CLIP1: variants seen among roughly 807,000 people sequenced by gnomAD.
The protein encoded by CLIP1 is CAP-Gly domain containing linker protein 1, also known as CAP-Gly domain-containing linker protein 1.
A neutral mutation model predicts 161.6 loss-of-function variants in CLIP1; 66 were observed. The observed-to-expected ratio is 0.41, with a 90% CI of 0.33 to 0.50. CLIP1 has a LOEUF of 0.50. CLIP1 is among the 20% of genes least tolerant of loss of function. The pLI is 0.27. For missense variants in CLIP1, 1,376 were observed against 1,702.0 expected, an observed-to-expected ratio of 0.81 and a Z score of 3.37; for synonymous variants, 598 against 626.2, an observed-to-expected ratio of 0.96 and a Z score of 0.67.
At chr12:122,338,861 G>T (rs882969) in intron 11 of CLIP1, among the ~76,000 whole-genome samples, 3 of 152,076 alleles carry the variant, frequency 2.0e-5, no homozygotes, top group Admixed American at 2.0e-4. Context: ...TTAGTATTTC[G>T]GAACCACATG....
At chr12:122,290,004 G>A (rs890061080) in intron 20 of CLIP1, among the ~76,000 whole-genome samples, 5 of 151,856 alleles carry the variant, frequency 3.3e-5, no homozygotes, top group Non-Finnish European at 5.9e-5. Context: ...ACAGGGTTTC[G>A]CCATGTTGGC....
At chr12:122,422,888 T>C (rs1957008266), upstream of CLIP1, among the ~76,000 whole-genome samples, 1 of 151,806 alleles carries the variant, frequency 6.6e-6, no homozygotes, top group South Asian at 2.1e-4. Flanking sequence ...GAGCCCCGGC[T>C]TGGGGAGCAA....
chr12:122,332,990 T>A lies in CLIP1; in HGVS notation c.2864A>T (p.Glu955Val). The A allele has an allele frequency of 3.1e-6, 5 of 1,613,226 alleles. No individual in the cohort carries two copies. The highest frequency in any genetic ancestry group is 4.2e-6 in the Non-Finnish European group (5 of 1,179,660). ...TKMNDELRLKERDVEELQLKL... is the reference protein window; with the variant it reads ...TKMNDELRLKVRDVEELQLKL... ...TCTTTTCAACAGTCACATATACCTT[T>A]CTTTCAGACGTAATTCATCGTTCAT... is the stretch of plus-strand genomic sequence containing the variant. The change falls in exon 15 of 26, where the codon GAA (glutamate) becomes GTA (valine). Residue 955 changes from glutamate to valine, a missense_variant. Physicochemically the swap from Glu to Val is moderately radical, Grantham distance 121 (BLOSUM62 -2). Around this residue, in one of 6 missense-constraint regions of CLIP1, gnomAD observed 948 missense variants for 1,134.8 expected, o/e 0.84. Coordinates refer to ENST00000620786, the MANE Select transcript of CLIP1 (RefSeq NM_001247997.2).
At chr12:122,274,214 G>C in intron 24 of CLIP1, 52 bp from the exon 25 acceptor site, 1 of 1,497,626 alleles carries the variant, frequency 6.7e-7, no homozygotes, top group Non-Finnish European at 9.2e-7. Flanking sequence ...ATATAAGCTG[G>C]AGCATCAAGA....
At chr12:122,292,622 A>G (rs1421921875) in intron 20 of CLIP1, among the ~76,000 whole-genome samples, 1 of 152,164 alleles carries the variant, frequency 6.6e-6, no homozygotes, top group Admixed American at 6.5e-5. Flanking sequence ...AGTTGTGCTC[A>G]TTGGTACTGG....
intron 5 of CLIP1, among the ~76,000 whole-genome samples, chr12:122,356,315 G>C (rs1007447976): frequency 6.6e-6 from 1 of 152,216 alleles, no homozygotes; most frequent in African/African-American, 2.4e-5. Context: ...AATTTCAAGA[G>C]AAACACAGCG....
intron 20 of CLIP1, among the ~76,000 whole-genome samples, chr12:122,304,103 A>G (rs1950783524): frequency 6.6e-6 from 1 of 152,178 alleles, no homozygotes; most frequent in South Asian, 2.1e-4. Context: ...GAAAATGACC[A>G]CTGGCAGTTT....
intron 4 of CLIP1, among the ~76,000 whole-genome samples, chr12:122,362,774 A>C (rs1953933056): frequency 6.6e-6 from 1 of 151,758 alleles, no homozygotes; most frequent in African/African-American, 2.4e-5. Flanking sequence ...CCCAGAAAAA[A>C]CAAAACGGCA....
At chr12:122,346,135 T>A (rs1952737179) in intron 10 of CLIP1, among the ~76,000 whole-genome samples, 1 of 152,146 alleles carries the variant, frequency 6.6e-6, no homozygotes. Flanking sequence ...ACGGACTCCA[T>A]CCTGTGGTGC....
intron 1 of CLIP1, among the ~76,000 whole-genome samples, chr12:122,389,726 T>G (rs1955500600): frequency 1.7e-5 from 2 of 114,762 alleles, no homozygotes; most frequent in South Asian, 6.1e-4. Flanking sequence ...ACCACTGCAT[T>G]CCAGCCAGGA....
chr12:122,320,265 C>CAAA (rs111643965), intron 17 of CLIP1, among the ~76,000 whole-genome samples: 1 of 94,600 alleles, frequency 1.1e-5, no homozygotes. Context: ...GACTCCGTCT[C>CAAA]AAAAAAAAAA....
chr12:122,308,948 G>A (rs994327858), intron 20 of CLIP1, among the ~76,000 whole-genome samples: 43 of 151,914 alleles, frequency 2.8e-4, no homozygotes, highest in African/African-American at 9.7e-4. Flanking sequence ...ACACACAACG[G>A]GAAAAAAAAT....
At chr12:122,374,013 C>T (rs1377438907) in intron 3 of CLIP1, among the ~76,000 whole-genome samples, 6 of 151,900 alleles carry the variant, frequency 3.9e-5, no homozygotes, top group African/African-American at 1.5e-4. Flanking sequence ...TTTTTTAATT[C>T]TCAGGAAGAT....
At chr12:122,304,311 G>T (rs182682787) in intron 20 of CLIP1, among the ~76,000 whole-genome samples, 78 of 152,320 alleles carry the variant, frequency 5.1e-4, no homozygotes, top group African/African-American at 1.7e-3. Flanking sequence ...TACCACTGGG[G>T]ACAAAGTGTC....
At chr12:122,393,769 G>C (rs555261301) in intron 1 of CLIP1, among the ~76,000 whole-genome samples, 5 of 151,802 alleles carry the variant, frequency 3.3e-5, no homozygotes, top group African/African-American at 1.2e-4. Flanking sequence ...AAAATTAGCC[G>C]GGTGTGGTGG....
intron 20 of CLIP1, among the ~76,000 whole-genome samples, chr12:122,304,356 T>C (rs1184596008): frequency 6.6e-6 from 1 of 152,150 alleles, no homozygotes; most frequent in East Asian, 1.9e-4. Context: ...CTTTCTTGGT[T>C]GCCAATTTAC....
chr12:122,336,486 T>C, intron 12 of CLIP1, 146 bp downstream of exon 12: 3 of 558,114 alleles, frequency 5.4e-6, no homozygotes, highest in Admixed American at 2.9e-5. Flanking sequence ...CAAAGGACAA[T>C]ATTTATCAGC....
At chr12:122,389,780 A>AAAAAAAAAAAAAAAAAT (rs1955510240) in intron 1 of CLIP1, among the ~76,000 whole-genome samples, 1 of 145,976 alleles carries the variant, frequency 6.9e-6, no homozygotes. Flanking sequence ...AAAAAAAAAA[A>AAAAAAAAAAAAAAAAAT]AAAGAATTTA....
Position 122,279,195 on chromosome 12 carries a change from C to A in CLIP1, c.3648-50G>T. 8.5e-7 allele frequency: 1 copy of A among 1,169,720 alleles called. No individual in the cohort carries two copies. The highest frequency in any genetic ancestry group is 1.4e-5 in the South Asian group (1 of 72,812). 72.5% of individuals were successfully genotyped at this position (1,169,720 alleles called of 1,614,324 possible). ...TCCACAAATCAACCGAAAGACTGGTCAGTGTACAACTGTTCTAGAACAAAC... is the reference window on the plus strand; with the variant it reads ...TCCACAAATCAACCGAAAGACTGGTAAGTGTACAACTGTTCTAGAACAAAC... On this transcript the variant is annotated intron_variant, in intron 21 of 25. Transcript: ENST00000620786. This position sits in a 1 kb window ranked among gnomAD's most constrained non-coding sequence, Gnocchi z 4.5.
Sources: allele counts gnomAD v4.1 joint callset (sites outside exome capture counted in the v4.1 genomes callset), GRCh38; gene constraint gnomAD v4.1.1; regional missense constraint gnomAD v4.1.1; non-coding constraint Gnocchi (gnomAD v3.1); transcripts MANE v1.5; gene names NCBI Gene and HGNC (gene_info 2026-07-23, HGNC 2026-07-21).